EXOC4: variants seen among roughly 807,000 people sequenced by gnomAD.
The protein encoded by EXOC4 is exocyst complex component 4, also known as SEC8-like 1.
Under a neutral mutation model 107.2 loss-of-function variants are expected in EXOC4, and 71 were observed. The observed-to-expected ratio is 0.66, with a 90% CI of 0.55 to 0.81. The LOEUF (loss-of-function observed/expected upper bound fraction) is 0.81. Among genes scored for constraint, EXOC4 ranks in the 30% least tolerant of loss-of-function variants. The pLI is 0.00. For missense variants in EXOC4, 1,108 were observed against 1,189.6 expected (o/e 0.93, Z 1.01); for synonymous variants, 456 against 441.2 (o/e 1.03, Z -0.42).
chr7:133,469,788 C>G (rs1391061082), intron 7 of EXOC4, among the ~76,000 whole-genome samples: 1 of 152,186 alleles, frequency 6.6e-6, no homozygotes, highest in Non-Finnish European at 1.5e-5. Flanking sequence ...TCTGGGTTTC[C>G]TATTTCTCTC....
chr7:134,070,617 T>A (rs1796261264), downstream of EXOC4, among the ~76,000 whole-genome samples: 1 of 152,172 alleles, frequency 6.6e-6, no homozygotes, highest in South Asian at 2.1e-4. Flanking sequence ...GAGAGGCTGC[T>A]TTAACATGTC....
chr7:133,341,631 A>G (rs972586673), intron 5 of EXOC4, among the ~76,000 whole-genome samples: 1 of 152,142 alleles, frequency 6.6e-6, no homozygotes, highest in African/African-American at 2.4e-5. Context: ...TCAGTGGAGT[A>G]TTGAAGTCCA....
At chr7:133,769,999 T>C (rs542720262) in intron 10 of EXOC4, among the ~76,000 whole-genome samples, 1 of 151,900 alleles carries the variant, frequency 6.6e-6, no homozygotes, top group Non-Finnish European at 1.5e-5. Context: ...AATCAAATTA[T>C]GTATTAGGAA....
At chr7:133,828,625 A>C (rs1254213438) in intron 11 of EXOC4, among the ~76,000 whole-genome samples, 2 of 152,190 alleles carry the variant, frequency 1.3e-5, no homozygotes, top group Admixed American at 1.3e-4. Flanking sequence ...CTTTTCAAGG[A>C]TCCTGCCCTA....
chr7:133,260,146 A>G (rs1795110698), intron 1 of EXOC4, among the ~76,000 whole-genome samples: 1 of 151,992 alleles, frequency 6.6e-6, no homozygotes, highest in Admixed American at 6.6e-5. Context: ...AATTTACTTT[A>G]TATGTGTGGG....
At chr7:133,915,616 G>A (rs1337073356) in intron 12 of EXOC4, among the ~76,000 whole-genome samples, 1 of 152,108 alleles carries the variant, frequency 6.6e-6, no homozygotes, top group Non-Finnish European at 1.5e-5. Flanking sequence ...GAACATTGAG[G>A]GGTACACCTG....
intron 11 of EXOC4, among the ~76,000 whole-genome samples, chr7:133,853,643 C>T (rs1798287905): frequency 6.6e-6 from 1 of 152,138 alleles, no homozygotes; most frequent in Admixed American, 6.5e-5. Flanking sequence ...TTAGGCACAC[C>T]TGAGAACTGG....
intron 12 of EXOC4, among the ~76,000 whole-genome samples, chr7:133,916,796 T>C (rs1799818509): frequency 6.6e-6 from 1 of 152,250 alleles, no homozygotes; most frequent in Non-Finnish European, 1.5e-5. Context: ...ATGTCATTTC[T>C]GTCACCTAGT....
chr7:133,312,230 G>C (rs1794889885), intron 4 of EXOC4, among the ~76,000 whole-genome samples: 1 of 152,134 alleles, frequency 6.6e-6, no homozygotes, highest in Non-Finnish European at 1.5e-5. Flanking sequence ...TCTATGTGCT[G>C]ATATAGAAAG....
chr7:133,578,185 C>A (rs1299457684), intron 9 of EXOC4, among the ~76,000 whole-genome samples: 9 of 151,934 alleles, frequency 5.9e-5, no homozygotes, highest in African/African-American at 2.2e-4. Flanking sequence ...ATTCTGTATC[C>A]CCTTTTGGTC....
At chr7:133,522,755 T>A (rs2150911937) in intron 9 of EXOC4, among the ~76,000 whole-genome samples, 1 of 152,272 alleles carries the variant, frequency 6.6e-6, no homozygotes, top group Non-Finnish European at 1.5e-5. Flanking sequence ...GCATTTTAAA[T>A]GCACAAAATC....
chr7:133,576,702 T>C, intron 9 of EXOC4: 1 of 1,289,756 alleles, frequency 7.8e-7, no homozygotes, highest in Admixed American at 2.3e-5. Flanking sequence ...ACCATCTCAA[T>C]GAAGACTTGT....
chr7:133,669,578 A>G (rs1793899818), intron 10 of EXOC4, among the ~76,000 whole-genome samples: 1 of 30,010 alleles, frequency 3.3e-5, no homozygotes, highest in African/African-American at 1.1e-4. Flanking sequence ...ATAAAGAACT[A>G]TGTTCGCTAA....
chr7:133,370,441 GACAA>G (rs558607898), intron 6 of EXOC4, among the ~76,000 whole-genome samples: 218 of 152,226 alleles, frequency 1.4e-3, no homozygotes, highest in African/African-American at 5.1e-3. Flanking sequence ...GATAGATAGA[GACAA>G]ACAGTTGCAT....
chr7:133,958,571 A>G (rs1026443077), intron 14 of EXOC4, among the ~76,000 whole-genome samples: 2 of 152,164 alleles, frequency 1.3e-5, no homozygotes, highest in East Asian at 1.9e-4. Context: ...AATCTTTCCT[A>G]TAGTACCTAC....
chr7:133,800,203 C>G (rs1475389179), intron 10 of EXOC4, among the ~76,000 whole-genome samples: 1 of 152,106 alleles, frequency 6.6e-6, no homozygotes, highest in Non-Finnish European at 1.5e-5. Context: ...ATTCTGAAAA[C>G]AAATTTGAAA....
At chr7:133,472,082 G>A (rs1798893453) in intron 7 of EXOC4, among the ~76,000 whole-genome samples, 1 of 152,202 alleles carries the variant, frequency 6.6e-6, no homozygotes, top group Admixed American at 6.5e-5. Context: ...TCAGGGAAGA[G>A]TTAAGTAATT....
intron 5 of EXOC4, among the ~76,000 whole-genome samples, chr7:133,324,135 A>C (rs763961134): frequency 5.1e-4 from 77 of 151,756 alleles, no homozygotes; most frequent in Non-Finnish European, 7.5e-4. Flanking sequence ...GTGGTCTATC[A>C]ATTTTGTTGG....
At chr7:133,976,583 G>A (rs1336113746) in intron 14 of EXOC4, among the ~76,000 whole-genome samples, 1 of 152,118 alleles carries the variant, frequency 6.6e-6, no homozygotes, top group Non-Finnish European at 1.5e-5. Flanking sequence ...AAAAGAATAT[G>A]ATGAGTGCCA....
Sources: allele counts gnomAD v4.1 joint callset (sites outside exome capture counted in the v4.1 genomes callset), GRCh38; gene constraint gnomAD v4.1.1; transcripts MANE v1.5; gene names NCBI Gene and HGNC (gene_info 2026-07-23, HGNC 2026-07-21).